The following LMTK2 variants were observed in gnomAD, a reference collection of about 807,000 sequenced individuals.
The protein encoded by LMTK2 is lemur tail kinase 2.
Under a neutral mutation model 127.5 loss-of-function variants are expected in LMTK2, and 37 were observed. That is an observed-to-expected ratio of 0.29 (90% CI 0.22 to 0.38). LMTK2 has a LOEUF of 0.38. Among genes scored for constraint, LMTK2 ranks in the 10% least tolerant of loss-of-function variants. The pLI is 1.00. For missense variants in LMTK2, 1,694 were observed against 1,920.3 expected, an observed-to-expected ratio of 0.88 and a Z score of 2.20; for synonymous variants, 819 against 810.1, an observed-to-expected ratio of 1.01 and a Z score of -0.19.
intron 1 of LMTK2, among the ~76,000 whole-genome samples, chr7:98,125,533 T>C (rs1796432123): frequency 6.6e-6 from 1 of 152,322 alleles, no homozygotes; most frequent in East Asian, 1.9e-4. Flanking sequence ...CCTGGTGAAC[T>C]TCACAGTAGG....
chr7:98,140,555 A>T (rs1796681693), intron 2 of LMTK2, among the ~76,000 whole-genome samples: 1 of 151,938 alleles, frequency 6.6e-6, no homozygotes. Flanking sequence ...TGTGGTTCAG[A>T]TCCTGGTGAT....
At chr7:98,121,282 C>T (rs1796357346) in intron 1 of LMTK2, among the ~76,000 whole-genome samples, 1 of 152,168 alleles carries the variant, frequency 6.6e-6, no homozygotes, top group African/African-American at 2.4e-5. Flanking sequence ...AAATGTTAAA[C>T]TACGAATCAT....
chr7:98,118,552 T>C lies in LMTK2; in HGVS notation c.103+11272T>C, dbSNP rs548969541. 5.3e-5 allele frequency among the ~76,000 whole-genome samples: 8 copies of C among 152,258 alleles called. No homozygotes were observed. In the South Asian group the frequency reaches 1.7e-3, roughly 32 times the overall value. On this transcript the variant is annotated intron_variant, in intron 1 of 13. Transcript: ENST00000297293. Reference sequence around the variant, plus strand: ...TTTTTTTCTTTTTATTATAGAAAATTTCAAACATACAGAAAAATAGAGTGA... The same window carrying C: ...TTTTTTTCTTTTTATTATAGAAAATCTCAAACATACAGAAAAATAGAGTGA...
intron 3 of LMTK2, among the ~76,000 whole-genome samples, chr7:98,143,847 G>A (rs577770110): frequency 1.5e-4 from 23 of 152,294 alleles, no homozygotes; most frequent in African/African-American, 4.1e-4. Context: ...TTATTGCAGC[G>A]TTGTTTGGCA....
intron 7 of LMTK2, among the ~76,000 whole-genome samples, chr7:98,179,594 CCT>C (rs1407392557): frequency 1.3e-5 from 2 of 150,186 alleles, no homozygotes; most frequent in African/African-American, 4.9e-5. Context: ...TCCCTCCTTC[CCT>C]CTCTCCCTCC....
intron 1 of LMTK2, among the ~76,000 whole-genome samples, chr7:98,110,537 C>T (rs2116312166): frequency 6.6e-6 from 1 of 152,296 alleles, no homozygotes; most frequent in East Asian, 1.9e-4. Flanking sequence ...AATTGCCAAA[C>T]TAAGATTACA....
chr7:98,157,963 G>C (rs1476969937), intron 5 of LMTK2, among the ~76,000 whole-genome samples: 1 of 152,224 alleles, frequency 6.6e-6, no homozygotes, highest in Non-Finnish European at 1.5e-5. Flanking sequence ...CAGTTCCCGG[G>C]TTTGGGTGTT....
intron 1 of LMTK2, among the ~76,000 whole-genome samples, chr7:98,133,422 CT>C (rs990290766): frequency 3.3e-5 from 5 of 151,616 alleles, no homozygotes; most frequent in Non-Finnish European, 7.4e-5. Context: ...TACTTCCTCT[CT>C]GTGGTTTCTG....
At chr7:98,204,777 C>T (rs570415281) in intron 13 of LMTK2, among the ~76,000 whole-genome samples, 17 of 152,378 alleles carry the variant, frequency 1.1e-4, no homozygotes, top group African/African-American at 2.9e-4. Context: ...GCCCAGGCTG[C>T]GCGCCATCTC....
In LMTK2 at chr7:98,192,829, C is replaced by T. The variant is rs1192618384; in HGVS notation, c.2364C>T (p.Ser788=). Residue 788 remains serine (S), a synonymous_variant, in exon 11 of 14, where the codon AGC becomes AGT. Coordinates refer to ENST00000297293, the MANE Select transcript of LMTK2 (RefSeq NM_014916.4). Reference sequence around the variant, plus strand: ...TGTCTTTGTTGCAGGAAAACGTAAGCACAAAGGGTGACGATACAGATGTCA... The same window carrying T: ...TGTCTTTGTTGCAGGAAAACGTAAGTACAAAGGGTGACGATACAGATGTCA... ...PGLSLLQENV[S]TKGDDTDVML... The T allele has an allele frequency of 1.2e-6, 2 of 1,613,888 alleles. No individual in the cohort carries two copies. The highest frequency in any genetic ancestry group is 8.5e-7 in the Non-Finnish European group (1 of 1,179,850).
At chr7:98,167,254 A>G (rs1797114709) in intron 6 of LMTK2, among the ~76,000 whole-genome samples, 1 of 152,208 alleles carries the variant, frequency 6.6e-6, no homozygotes, top group Non-Finnish European at 1.5e-5. Context: ...CTGTGTGCCC[A>G]GCACTGTTCT....
At chr7:98,168,390 C>T (rs913434160) in intron 6 of LMTK2, among the ~76,000 whole-genome samples, 2 of 152,310 alleles carry the variant, frequency 1.3e-5, no homozygotes, top group Non-Finnish European at 1.5e-5. Context: ...GGAAGCGAGG[C>T]CCCGGGCTTC....
chr7:98,154,869 C>T lies in LMTK2; in HGVS notation c.562C>T (p.Pro188Ser). ...AGATACTTTTTTGAAAAATGGAGAA[C>T]CTTACTAGTAAGTAAACCTTGTCAT... ...EQDTFLKNGE[P>S]YYILQHPNIL... The change falls in exon 5 of 14, where the codon CCT becomes TCT. Residue 188 changes from proline (P) to serine (S), a missense_variant. This residue lies in a region of LMTK2 where 203 missense variants were observed against 226.2 expected (regional missense o/e 0.90). Coordinates refer to ENST00000297293, the MANE Select transcript of LMTK2 (RefSeq NM_014916.4). 1 of 1,580,116 alleles carries T rather than the reference C, an allele frequency of 6.3e-7. No homozygotes were observed. The highest frequency in any genetic ancestry group is 8.7e-7 in the Non-Finnish European group (1 of 1,148,966).
chr7:98,122,677 GGTGTGTGTGTGT>G (rs1192444903), intron 1 of LMTK2, among the ~76,000 whole-genome samples: 1 of 108,236 alleles, frequency 9.2e-6, no homozygotes, highest in African/African-American at 3.7e-5. Context: ...AACTCTACAT[GGTGTGTGTGTGT>G]GTGTGTGTGT....
chr7:98,155,112 T>G (rs1294290805), intron 5 of LMTK2, among the ~76,000 whole-genome samples: 14 of 152,216 alleles, frequency 9.2e-5, no homozygotes, highest in African/African-American at 1.7e-4. Context: ...ACAGAGATGT[T>G]AGAATTACCT....
intron 3 of LMTK2, among the ~76,000 whole-genome samples, chr7:98,145,364 T>TTA (rs1367548361): frequency 6.6e-6 from 1 of 152,190 alleles, no homozygotes; most frequent in Non-Finnish European, 1.5e-5. Context: ...TTTACAGTTT[T>TTA]TTTTAGAGTA....
rs537196195 is a variant in LMTK2 at position 98,209,189 on chromosome 7, A to T, written c.*3697A>T. On this transcript the variant is annotated 3_prime_UTR_variant, in exon 14 of 14. Transcript: ENST00000297293. ...TCCAAAACAATATTCCTAAGTAGCA[A>T]TGGGGTTGGCTCAAGTCTTTATTAA... 6.6e-6 allele frequency: 1 copy of T among 152,362 alleles called. No individual in the cohort carries two copies. The highest frequency in any genetic ancestry group is 2.1e-4 in the South Asian group (1 of 4,830). 9.4% of individuals were successfully genotyped at this position (152,362 alleles called of 1,614,324 possible). A position where few individuals can be genotyped will look rare whatever the true frequency, so the allele number is the denominator to read the frequency against.
chr7:98,190,362 A>C (rs551309855), intron 9 of LMTK2, among the ~76,000 whole-genome samples: 2 of 152,216 alleles, frequency 1.3e-5, no homozygotes, highest in Non-Finnish European at 2.9e-5. Context: ...CAGGTGGATC[A>C]CCTGAGGTCA....
chr7:98,112,088 T>C (rs920057157), intron 1 of LMTK2, among the ~76,000 whole-genome samples: 3 of 152,234 alleles, frequency 2.0e-5, no homozygotes, highest in Non-Finnish European at 4.4e-5. Context: ...TTGTGTATTG[T>C]CATGAGGCAT....
Sources: gnomAD v4.1 joint callset for allele counts (sites outside exome capture counted in the v4.1 genomes callset) on GRCh38, gnomAD v4.1.1 for gene constraint, gnomAD v4.1.1 regional missense constraint, MANE v1.5 for transcripts, NCBI Gene and HGNC (gene_info 2026-07-23, HGNC 2026-07-21) for gene names.